Variants in PTPRM observed in about 807,000 individuals in gnomAD.
The protein encoded by PTPRM is protein tyrosine phosphatase receptor type M.
A neutral mutation model predicts 186.7 loss-of-function variants in PTPRM; 47 were observed. That is an observed-to-expected ratio of 0.25 (90% CI 0.20 to 0.32). PTPRM has a LOEUF of 0.32. Ranked by LOEUF, PTPRM falls within the 10% of genes least tolerant of loss-of-function variation. The pLI, the probability that PTPRM is intolerant of heterozygous loss-of-function variation, is 1.00. For synonymous variants in PTPRM, 668 were observed against 674.9 expected, an observed-to-expected ratio of 0.99 and a Z score of 0.16; for missense variants, 1,494 against 1,865.0, an observed-to-expected ratio of 0.80 and a Z score of 3.66.
At chr18:8,038,025 C>A (rs2086443888) in intron 7 of PTPRM, among the ~76,000 whole-genome samples, 1 of 152,076 alleles carries the variant, frequency 6.6e-6, no homozygotes, top group Non-Finnish European at 1.5e-5. Flanking sequence ...AGACTCTGAG[C>A]TTCTTGTCTT....
chr18:7,903,943 A>G (rs2049840507), intron 3 of PTPRM, among the ~76,000 whole-genome samples: 1 of 152,220 alleles, frequency 6.6e-6, no homozygotes. Context: ...GGAATCAGAA[A>G]AATTGAGTTT....
intron 11 of PTPRM, among the ~76,000 whole-genome samples, chr18:8,110,649 G>A (rs1050507888): frequency 2.6e-5 from 4 of 152,100 alleles, no homozygotes; most frequent in Non-Finnish European, 5.9e-5. Context: ...GTGGAGCCCA[G>A]GAGAACGTCC....
chr18:7,647,875 GT>G (rs1189635046), intron 1 of PTPRM, among the ~76,000 whole-genome samples: 1 of 152,198 alleles, frequency 6.6e-6, no homozygotes, highest in African/African-American at 2.4e-5. Context: ...GTATTCTCAG[GT>G]GATGCACATG....
chr18:8,182,075 G>A lies in PTPRM; in HGVS notation c.2300+38296G>A, dbSNP rs188740233. On this transcript the variant is annotated intron_variant, in intron 14 of 32. Coordinates refer to ENST00000580170, the MANE Select transcript of PTPRM (RefSeq NM_001105244.2). ...TTTTCCTATGCCATTATTGTACCAT[G>A]AAAGGAAACTCCCTCATAAACCCAT... Among the ~76,000 whole-genome samples, 507 of 152,228 alleles carry A rather than the reference G, an allele frequency of 3.3e-3. 4 individuals carry two copies. The highest frequency in any genetic ancestry group is 0.012 in the African/African-American group (489 of 41,550).
At chr18:7,777,196 T>C (rs2042629693) in intron 2 of PTPRM, among the ~76,000 whole-genome samples, 1 of 152,190 alleles carries the variant, frequency 6.6e-6, no homozygotes, top group Admixed American at 6.5e-5. Flanking sequence ...GGTATGTGTA[T>C]TTGTCTTATG....
At chr18:8,021,979 A>G (rs2085264275) in intron 7 of PTPRM, among the ~76,000 whole-genome samples, 1 of 152,220 alleles carries the variant, frequency 6.6e-6, no homozygotes, top group South Asian at 2.1e-4. Flanking sequence ...ATACATTTAT[A>G]GATTTGTGGA....
At chr18:8,204,645 A>G (rs917198842) in intron 14 of PTPRM, among the ~76,000 whole-genome samples, 10 of 152,060 alleles carry the variant, frequency 6.6e-5, no homozygotes, top group African/African-American at 2.2e-4. Flanking sequence ...TAGGAGGGCC[A>G]TTTTCTCTGT....
At chr18:8,293,608 A>G (rs552816808) in intron 19 of PTPRM, among the ~76,000 whole-genome samples, 2 of 152,362 alleles carry the variant, frequency 1.3e-5, no homozygotes, top group Non-Finnish European at 2.9e-5. Flanking sequence ...AATCATGACA[A>G]ACTCAAAGTG....
At chr18:7,667,903 A>G (rs562851740) in intron 1 of PTPRM, among the ~76,000 whole-genome samples, 1 of 152,326 alleles carries the variant, frequency 6.6e-6, no homozygotes, top group South Asian at 2.1e-4. Context: ...GAGAACTCAG[A>G]AAATTAGTTC....
At chr18:7,697,513 T>C (rs1357987340) in intron 1 of PTPRM, among the ~76,000 whole-genome samples, 1 of 152,186 alleles carries the variant, frequency 6.6e-6, no homozygotes, top group African/African-American at 2.4e-5. Flanking sequence ...AGTAGGGCGA[T>C]GAAAGAACAC....
intron 7 of PTPRM, among the ~76,000 whole-genome samples, chr18:8,009,323 CT>C (rs71354585): frequency 2.3e-3 from 331 of 145,232 alleles, no homozygotes; most frequent in African/African-American, 3.7e-3. Context: ...GCTTCCATAA[CT>C]TTTTTTTTTT....
chr18:7,902,834 C>CTTTT lies in PTPRM; in HGVS notation c.469-3657_469-3654dup, dbSNP rs34332223. 1.3e-3 allele frequency among the ~76,000 whole-genome samples: 163 copies of CTTTT among 130,066 alleles called. 1 individual carries two copies. The highest frequency in any genetic ancestry group is 3.5e-3 in the African/African-American group (123 of 35,418). The allele number at this position is 130,066 out of a possible 152,430, so 85.3% of individuals were successfully genotyped here. A position where few individuals can be genotyped will look rare whatever the true frequency, so the allele number is the denominator to read the frequency against. On this transcript the variant is annotated intron_variant, in intron 3 of 32. Coordinates refer to ENST00000580170, the MANE Select transcript of PTPRM (RefSeq NM_001105244.2). The stretch of plus-strand genomic sequence containing the variant: ...CTTCCAGGTCTCAGATCTTCTCTGC[C>CTTTT]TTTTTTTTTTTTTTTTTGTACTCTC...
chr18:8,337,689 GA>G (rs77106393), intron 22 of PTPRM, among the ~76,000 whole-genome samples: 11,087 of 152,192 alleles, frequency 0.073, 431 homozygotes, highest in South Asian at 0.1. Flanking sequence ...GTGACCTGAG[GA>G]AGTGACTTTT....
intron 2 of PTPRM, among the ~76,000 whole-genome samples, chr18:7,783,748 TTGTG>T (rs60314284): frequency 7.3e-4 from 107 of 146,720 alleles, no homozygotes; most frequent in Admixed American, 2.2e-3. Context: ...ATTTTTAATT[TTGTG>T]TGTGTGTGTG....
intron 1 of PTPRM, among the ~76,000 whole-genome samples, chr18:7,714,045 C>G (rs1052849425): frequency 1.3e-5 from 2 of 152,116 alleles, no homozygotes; most frequent in Non-Finnish European, 2.9e-5. Flanking sequence ...ACAGAACTGT[C>G]CCCCCAAATC....
chr18:7,890,692 A>G (rs933546564), intron 3 of PTPRM, among the ~76,000 whole-genome samples: 1 of 152,180 alleles, frequency 6.6e-6, no homozygotes, highest in Non-Finnish European at 1.5e-5. Context: ...AGTAATGAAG[A>G]GTGATTGCAA....
At chr18:7,644,503 C>G (rs1480098740) in intron 1 of PTPRM, among the ~76,000 whole-genome samples, 1 of 152,112 alleles carries the variant, frequency 6.6e-6, no homozygotes, top group Non-Finnish European at 1.5e-5. Flanking sequence ...TATATCTCAA[C>G]TGTCTTTATG....
intron 1 of PTPRM, among the ~76,000 whole-genome samples, chr18:7,658,269 G>A (rs1362163374): frequency 1.3e-5 from 2 of 149,758 alleles, no homozygotes; most frequent in Non-Finnish European, 3.0e-5. Flanking sequence ...TCTCCAGCAT[G>A]ATCCCTAGAA....
chr18:7,699,326 C>T (rs758488134), intron 1 of PTPRM, among the ~76,000 whole-genome samples: 2 of 152,038 alleles, frequency 1.3e-5, no homozygotes, highest in Non-Finnish European at 2.9e-5. Flanking sequence ...ATATACTTAT[C>T]GAAAATATAT....
Sources: gnomAD v4.1 joint callset for allele counts (sites outside exome capture counted in the v4.1 genomes callset) on GRCh38, gnomAD v4.1.1 for gene constraint, MANE v1.5 for transcripts, NCBI Gene and HGNC (gene_info 2026-07-23, HGNC 2026-07-21) for gene names.